The following WDSUB1 variants were observed in gnomAD, a reference collection of about 807,000 sequenced individuals.
The protein encoded by WDSUB1 is WD repeat, sterile alpha motif and U-box domain containing 1, also known as WD repeat, SAM and U-box domain-containing protein 1.
In WDSUB1, 49 loss-of-function variants were observed where a neutral mutation model predicts 53.9. The observed-to-expected ratio is 0.91, with a 90% CI of 0.72 to 1.15. The LOEUF is 1.15. Among genes scored for constraint, WDSUB1 ranks in the 50% most tolerant of loss-of-function variants. The probability of loss-of-function intolerance (pLI) is 0.00; values close to 1 mark genes in which losing one functional copy is unlikely to be tolerated. For synonymous variants in WDSUB1, 194 were observed against 200.6 expected, an observed-to-expected ratio of 0.97 and a Z score of 0.28; for missense variants, 514 against 562.0, an observed-to-expected ratio of 0.91 and a Z score of 0.86.
At chr2:159,283,194 A>C in intron 1 of WDSUB1, 101 bp from the exon 2 acceptor site, 1 of 998,564 alleles carries the variant, frequency 1.0e-6, no homozygotes, top group South Asian at 1.7e-5. Flanking sequence ...TGCTCAATGA[A>C]AGCTTCTACA....
chr2:159,241,681 G>A (rs1179827361), intron 10 of WDSUB1, among the ~76,000 whole-genome samples: 4 of 145,998 alleles, frequency 2.7e-5, no homozygotes, highest in Non-Finnish European at 4.4e-5. Flanking sequence ...GTATACAAAT[G>A]TACCTGTAAA....
At chr2:159,240,211 C>T (rs1263183892) in intron 10 of WDSUB1, among the ~76,000 whole-genome samples, 2 of 151,542 alleles carry the variant, frequency 1.3e-5, no homozygotes, top group Admixed American at 6.6e-5. Flanking sequence ...CCATCCTCTA[C>T]ATATTTGTGC....
chr2:159,274,340 T>C (rs147032889), intron 4 of WDSUB1, among the ~76,000 whole-genome samples: 2 of 152,136 alleles, frequency 1.3e-5, no homozygotes, highest in East Asian at 3.9e-4. Context: ...ACTGTCTCTA[T>C]AAAAAATTTA....
At chr2:159,254,906 G>A (rs1240373218) in intron 9 of WDSUB1, among the ~76,000 whole-genome samples, 1 of 152,002 alleles carries the variant, frequency 6.6e-6, no homozygotes. Flanking sequence ...CAAGGCTGGA[G>A]GACTGCTTGA....
intron 10 of WDSUB1, among the ~76,000 whole-genome samples, chr2:159,237,936 C>T (rs559774928): frequency 3.2e-5 from 2 of 63,174 alleles, no homozygotes; most frequent in African/African-American, 1.1e-4. Context: ...TATATAATCT[C>T]GCTAGATAGT....
intron 5 of WDSUB1, among the ~76,000 whole-genome samples, chr2:159,269,524 G>A (rs983234562): frequency 1.4e-4 from 22 of 152,008 alleles, no homozygotes; most frequent in Non-Finnish European, 3.1e-4. Flanking sequence ...AAACTAAATA[G>A]GAAACTCATA....
intron 8 of WDSUB1, 39 bp from the exon 9 acceptor site, chr2:159,256,414 G>C (rs2061064629): frequency 6.4e-7 from 1 of 1,557,706 alleles, no homozygotes; most frequent in Non-Finnish European, 8.7e-7. Flanking sequence ...TAACAAAAAA[G>C]TATTTCCTTT....
intron 10 of WDSUB1, among the ~76,000 whole-genome samples, chr2:159,243,992 T>C (rs2060724263): frequency 6.6e-6 from 1 of 152,054 alleles, no homozygotes; most frequent in African/African-American, 2.4e-5. Flanking sequence ...TATGATCCAA[T>C]AGCAAACTAA....
chr2:159,256,077 G>A, intron 9 of WDSUB1, 119 bp downstream of exon 9: 2 of 896,422 alleles, frequency 2.2e-6, no homozygotes, highest in East Asian at 5.6e-5. Context: ...TAATCAAGAA[G>A]ATGGGTCATT....
chr2:159,254,038 A>G (rs1458688733), intron 9 of WDSUB1, among the ~76,000 whole-genome samples: 1 of 152,230 alleles, frequency 6.6e-6, no homozygotes, highest in East Asian at 1.9e-4. Context: ...CTTATTTACT[A>G]GAGAATGTGC....
At chr2:159,243,472 A>AATGTCAAT (rs2060713160) in intron 10 of WDSUB1, among the ~76,000 whole-genome samples, 1 of 142,750 alleles carries the variant, frequency 7.0e-6, no homozygotes, top group Admixed American at 6.8e-5. Context: ...GGGTTCTAGC[A>AATGTCAAT]ATGTCAATAT....
rs183275115 is a variant in WDSUB1, at chr2:159,265,096, A to T, written c.771-5253T>A. 9.7e-3 allele frequency among the ~76,000 whole-genome samples: 1,415 copies of T among 145,928 alleles called. 21 individuals carry two copies. The highest frequency in any genetic ancestry group is 0.034 in the African/African-American group (1,250 of 36,246). On this transcript the variant is annotated intron_variant, in intron 5 of 10. Coordinates refer to ENST00000359774, the MANE Select transcript of WDSUB1 (RefSeq NM_001128212.3). Reference sequence around the variant, plus strand: ...CGAAACTCCATCTCAAAAAAAAAAAAAAATAAAACAACAACAACAACAACA... The same window carrying T: ...CGAAACTCCATCTCAAAAAAAAAAATAAATAAAACAACAACAACAACAACA...
intron 10 of WDSUB1, among the ~76,000 whole-genome samples, chr2:159,246,763 A>G (rs1325835951): frequency 6.6e-6 from 1 of 152,222 alleles, no homozygotes; most frequent in Non-Finnish European, 1.5e-5. Flanking sequence ...AGGTTAATGG[A>G]TAAACATATT....
chr2:159,260,302 C>T (rs1430090054), intron 5 of WDSUB1, among the ~76,000 whole-genome samples: 1 of 150,394 alleles, frequency 6.6e-6, no homozygotes, highest in Admixed American at 6.6e-5. Flanking sequence ...GAGACTCTAT[C>T]TCAAAAAAAA....
chr2:159,260,786 C>A (rs1195747393), intron 5 of WDSUB1, among the ~76,000 whole-genome samples: 1 of 152,162 alleles, frequency 6.6e-6, no homozygotes, highest in African/African-American at 2.4e-5. Context: ...TGGAAACAGG[C>A]TTTTATGCCA....
chr2:159,269,165 ATTTT>A (rs11324784), intron 5 of WDSUB1, among the ~76,000 whole-genome samples: 14 of 108,326 alleles, frequency 1.3e-4, no homozygotes, highest in African/African-American at 3.0e-4. Context: ...CTTTCCACAG[ATTTT>A]TTTTTTTTTT....
At position 159,279,753 on chromosome 2, in the gene WDSUB1, T is replaced by C. The variant is rs370120366; in HGVS notation, c.583+8A>G. 7.0e-5 allele frequency: 112 copies of C among 1,594,626 alleles called. No individual in the cohort carries two copies. The highest frequency in any genetic ancestry group is 9.1e-5 in the Non-Finnish European group (106 of 1,170,514). On this transcript the variant is annotated splice_region_variant and intron_variant, in intron 3 of 10. Transcript: ENST00000359774. ...ATTTCTAGTGCTTAAAAGAATAAAA[T>C]AACCAACCAGAAACTGGCTGTGAAG...
At chr2:159,254,759 G>C (rs1320389808) in intron 9 of WDSUB1, among the ~76,000 whole-genome samples, 2 of 152,166 alleles carry the variant, frequency 1.3e-5, no homozygotes, top group African/African-American at 4.8e-5. Context: ...TGCTAAATTT[G>C]TGAGTTTTTT....
rs1025499916 is a variant in WDSUB1, at chr2:159,242,528, G to A, written c.1273+5844C>T. On this transcript the variant is annotated intron_variant, in intron 10 of 10. Coordinates refer to ENST00000359774, the MANE Select transcript of WDSUB1 (RefSeq NM_001128212.3). ...ATACAAAAAATTAGCTGGGTGTGGT[G>A]GCACATGCCTGTAATCCCAGCTACT... 1.0e-4 allele frequency among the ~76,000 whole-genome samples: 15 copies of A among 147,324 alleles called. 4 individuals are homozygous for A. The highest frequency in any genetic ancestry group is 8.6e-4 in the Admixed American group (13 of 15,162).
Sources: gnomAD v4.1 joint callset for allele counts (sites outside exome capture counted in the v4.1 genomes callset) on GRCh38, gnomAD v4.1.1 for gene constraint, MANE v1.5 for transcripts, NCBI Gene and HGNC (gene_info 2026-07-23, HGNC 2026-07-21) for gene names.